The following ROBO2 variants were observed in gnomAD, a reference collection of about 807,000 sequenced individuals.
ROBO2 encodes roundabout homolog 2.
In ROBO2, 53 loss-of-function variants were observed where a neutral mutation model predicts 160.8. The ratio of observed to expected loss-of-function variants is 0.33; its 90% CI spans 0.26 to 0.41. The LOEUF (loss-of-function observed/expected upper bound fraction) is 0.41, where lower values mean the gene tolerates loss of function less well. Among genes scored for constraint, ROBO2 ranks in the 10% least tolerant of loss-of-function variants. The probability of loss-of-function intolerance (pLI) is 1.00; values close to 1 mark genes in which losing one functional copy is unlikely to be tolerated. For synonymous variants in ROBO2, 664 were observed against 611.7 expected (o/e 1.09, Z -1.26); for missense variants, 1,577 against 1,722.4 (o/e 0.92, Z 1.49).
At chr3:77,397,383 T>C (rs566490558) in intron 2 of ROBO2, among the ~76,000 whole-genome samples, 1 of 152,166 alleles carries the variant, frequency 6.6e-6, no homozygotes, top group Non-Finnish European at 1.5e-5. Flanking sequence ...ATCAGAGATA[T>C]TTGTTTCTAT....
chr3:76,834,306 G>A (rs983757101), intron 2 of ROBO2, among the ~76,000 whole-genome samples: 19 of 151,268 alleles, frequency 1.3e-4, no homozygotes, highest in African/African-American at 4.1e-4. Flanking sequence ...TCCTGCCTCA[G>A]CTTCCCAAGT....
intron 2 of ROBO2, among the ~76,000 whole-genome samples, chr3:76,916,153 T>C (rs1210237300): frequency 6.6e-6 from 1 of 152,194 alleles, no homozygotes; most frequent in Non-Finnish European, 1.5e-5. Flanking sequence ...TTGCAGAAGA[T>C]ACTTCTTTTT....
intron 2 of ROBO2, among the ~76,000 whole-genome samples, chr3:76,212,956 G>A (rs1035840150): frequency 6.6e-6 from 1 of 151,486 alleles, no homozygotes; most frequent in African/African-American, 2.4e-5. Context: ...TTTCTCAAGG[G>A]TAAAGGTGAA....
intron 2 of ROBO2, among the ~76,000 whole-genome samples, chr3:77,366,191 G>A (rs142138174): frequency 6.2e-4 from 94 of 152,252 alleles, no homozygotes; most frequent in African/African-American, 2.1e-3. Flanking sequence ...AAAATTTCAA[G>A]TCTTTTAGAG....
chr3:77,458,272 T>C (rs558053835), intron 2 of ROBO2, among the ~76,000 whole-genome samples: 5 of 152,192 alleles, frequency 3.3e-5, no homozygotes, highest in Admixed American at 2.0e-4. Flanking sequence ...AGATTCTGTT[T>C]GTACTTGCAA....
chr3:77,595,007 A>G, intron 17 of ROBO2, 135 bp from the exon 19 acceptor site: 2 of 690,120 alleles, frequency 2.9e-6, no homozygotes, highest in Non-Finnish European at 5.1e-6. Context: ...TCTCTGTACA[A>G]TGATGTTAAT....
At chr3:76,555,396 G>GAAT (rs781316160) in intron 2 of ROBO2, among the ~76,000 whole-genome samples, 8 of 71,914 alleles carry the variant, frequency 1.1e-4, no homozygotes, top group Non-Finnish European at 2.1e-4. Flanking sequence ...AGAAGAAGAA[G>GAAT]AAGAAGAAGA....
intron 2 of ROBO2, among the ~76,000 whole-genome samples, chr3:77,364,619 C>T: frequency 6.6e-6 from 1 of 151,968 alleles, no homozygotes; most frequent in East Asian, 1.9e-4. Flanking sequence ...CTGATATAAC[C>T]TTGGGCAAAT....
chr3:77,600,995 A>G (rs1038641911), intron 19 of ROBO2, among the ~76,000 whole-genome samples: 2 of 152,188 alleles, frequency 1.3e-5, no homozygotes, highest in African/African-American at 4.8e-5. Context: ...TCAGCTGTAA[A>G]ACAAGCTCCA....
intron 2 of ROBO2, among the ~76,000 whole-genome samples, chr3:76,943,634 C>T (rs114234869): frequency 0.029 from 4,468 of 152,188 alleles, 217 homozygotes; most frequent in African/African-American, 0.1. Flanking sequence ...AACCAAAACA[C>T]GTATTCATAG....
intron 2 of ROBO2, among the ~76,000 whole-genome samples, chr3:77,012,293 T>G (rs1161114450): frequency 6.6e-6 from 1 of 152,146 alleles, no homozygotes; most frequent in African/African-American, 2.4e-5. Context: ...AAGCACCAAA[T>G]AATAGAAATG....
chr3:76,826,048 T>C (rs1035647353), intron 2 of ROBO2, among the ~76,000 whole-genome samples: 11 of 145,154 alleles, frequency 7.6e-5, no homozygotes, highest in Non-Finnish European at 1.7e-4. Flanking sequence ...TCAGTGAGTT[T>C]GTGGGTTTTT....
chr3:76,725,363 C>A (rs1160212605), intron 2 of ROBO2, among the ~76,000 whole-genome samples: 1 of 152,094 alleles, frequency 6.6e-6, no homozygotes, highest in Non-Finnish European at 1.5e-5. Flanking sequence ...GACTTTTGAT[C>A]CAGCCTTCTA....
In ROBO2 at chr3:76,728,066, G is replaced by A. The variant is rs542195415; in HGVS notation, c.110-369948G>A. Among the ~76,000 whole-genome samples, 13 of 151,682 alleles carry A rather than the reference G, an allele frequency of 8.6e-5. No individual in the cohort carries two copies. The South Asian group carries it at 2.3e-3, about 27-fold the overall frequency. The stretch of plus-strand genomic sequence containing the variant: ...TAATATTTATAAATGAAAAAACACC[G>A]AGAAATGAAGGACAAGTAACCTATT... On this transcript the variant is annotated intron_variant, in intron 2 of 26. Coordinates refer to the ROBO2 transcript ENST00000487694.
chr3:76,362,512 A>G (rs1002176029), intron 2 of ROBO2, among the ~76,000 whole-genome samples: 1 of 152,136 alleles, frequency 6.6e-6, no homozygotes, highest in African/African-American at 2.4e-5. Context: ...GTGTTAGCTT[A>G]GGTAAGGTGA....
chr3:77,029,940 C>A (rs1464875189), intron 2 of ROBO2, among the ~76,000 whole-genome samples: 1 of 151,728 alleles, frequency 6.6e-6, no homozygotes, highest in Non-Finnish European at 1.5e-5. Context: ...CATAAAAATG[C>A]CATTCAGTTC....
intron 2 of ROBO2, among the ~76,000 whole-genome samples, chr3:76,406,580 A>G (rs2078137035): frequency 6.6e-6 from 1 of 151,808 alleles, no homozygotes; most frequent in Non-Finnish European, 1.5e-5. Flanking sequence ...CATTTTTTAC[A>G]ATTAGGGCAC....
At chr3:76,282,758 C>G (rs767112871) in intron 2 of ROBO2, among the ~76,000 whole-genome samples, 1 of 151,840 alleles carries the variant, frequency 6.6e-6, no homozygotes, top group African/African-American at 2.4e-5. Context: ...CCAAGCCTCC[C>G]AGCAACAGCA....
At chr3:76,033,231 T>A (rs2066987609) in intron 2 of ROBO2, among the ~76,000 whole-genome samples, 1 of 152,152 alleles carries the variant, frequency 6.6e-6, no homozygotes. Context: ...TTTCTATGTA[T>A]TTTCTATTTC....
Sources: gnomAD v4.1 joint callset for allele counts (sites outside exome capture counted in the v4.1 genomes callset) on GRCh38, gnomAD v4.1.1 for gene constraint, MANE v1.5 for transcripts, NCBI Gene and HGNC (gene_info 2026-07-23, HGNC 2026-07-21) for gene names.